The following SLC2A13 variants were observed in gnomAD, a reference collection of about 807,000 sequenced individuals.
SLC2A13 encodes solute carrier family 2 member 13.
In SLC2A13, 32 loss-of-function variants were observed where a neutral mutation model predicts 64.4. That is an observed-to-expected ratio of 0.50 (90% CI 0.37 to 0.67). The LOEUF (loss-of-function observed/expected upper bound fraction) is 0.67, where lower values mean the gene tolerates loss of function less well. Ranked by LOEUF, SLC2A13 falls within the 30% of genes least tolerant of loss-of-function variation. The probability of loss-of-function intolerance (pLI) is 0.00; values close to 1 mark genes in which losing one functional copy is unlikely to be tolerated. For synonymous variants in SLC2A13, 338 were observed against 327.1 expected, an observed-to-expected ratio of 1.03 and a Z score of -0.36; for missense variants, 743 against 829.2, an observed-to-expected ratio of 0.90 and a Z score of 1.28.
At chr12:39,963,558 T>C (rs1048867743) in intron 3 of SLC2A13, among the ~76,000 whole-genome samples, 22 of 151,952 alleles carry the variant, frequency 1.4e-4, no homozygotes, top group African/African-American at 5.1e-4. Context: ...AATCAAGATA[T>C]GTACTGCCAA....
At chr12:39,860,552 T>C (rs1026121102) in intron 6 of SLC2A13, among the ~76,000 whole-genome samples, 1 of 152,186 alleles carries the variant, frequency 6.6e-6, no homozygotes, top group Non-Finnish European at 1.5e-5. Flanking sequence ...CAGCTGATGT[T>C]GGTTCATGGA....
chr12:39,832,692 C>G (rs1319434396), intron 6 of SLC2A13, among the ~76,000 whole-genome samples: 1 of 133,742 alleles, frequency 7.5e-6, no homozygotes, highest in Non-Finnish European at 1.6e-5. Context: ...CTGATGATCA[C>G]CAGTTAACTG....
At chr12:40,031,283 C>T (rs568202339) in intron 2 of SLC2A13, among the ~76,000 whole-genome samples, 2 of 152,098 alleles carry the variant, frequency 1.3e-5, no homozygotes, top group South Asian at 2.1e-4. Context: ...AGTGTAGTGG[C>T]GCGATCTCGG....
At chr12:39,890,654 CTGTATATA>C (rs962205220) in intron 4 of SLC2A13, among the ~76,000 whole-genome samples, 2 of 152,050 alleles carry the variant, frequency 1.3e-5, no homozygotes, top group Admixed American at 1.3e-4. Flanking sequence ...TGATACATAA[CTGTATATA>C]TGTATTGAAA....
At chr12:39,762,685 T>C (rs753766940) in intron 9 of SLC2A13, among the ~76,000 whole-genome samples, 18 of 151,974 alleles carry the variant, frequency 1.2e-4, no homozygotes, top group Non-Finnish European at 2.5e-4. Context: ...ATTTATTAAA[T>C]GAGGAATATA....
chr12:39,778,696 C>T (rs1233589510), intron 7 of SLC2A13, among the ~76,000 whole-genome samples: 1 of 152,142 alleles, frequency 6.6e-6, no homozygotes, highest in Non-Finnish European at 1.5e-5. Context: ...TCATTCATTT[C>T]TTCACTCATT....
chr12:40,008,199 C>T (rs957011156), intron 3 of SLC2A13, among the ~76,000 whole-genome samples: 10 of 152,122 alleles, frequency 6.6e-5, no homozygotes, highest in African/African-American at 2.2e-4. Flanking sequence ...ATCTGAAATT[C>T]TGTTAATAAA....
chr12:40,067,149 C>T (rs575779361), intron 1 of SLC2A13, among the ~76,000 whole-genome samples: 35 of 152,226 alleles, frequency 2.3e-4, no homozygotes, highest in Non-Finnish European at 1.5e-5. Flanking sequence ...ATTCAGTTAG[C>T]TAATGTACAG....
At chr12:39,943,773 C>T (rs1306861001) in intron 4 of SLC2A13, among the ~76,000 whole-genome samples, 1 of 152,220 alleles carries the variant, frequency 6.6e-6, no homozygotes, top group Non-Finnish European at 1.5e-5. Flanking sequence ...AAGGACAGTG[C>T]ATTCTGGCCC....
intron 7 of SLC2A13, among the ~76,000 whole-genome samples, chr12:39,787,954 T>C (rs1373087897): frequency 6.6e-6 from 1 of 152,168 alleles, no homozygotes; most frequent in African/African-American, 2.4e-5. Flanking sequence ...TAATGTAATA[T>C]ATGGTACTGC....
At chr12:39,971,181 G>A (rs1027339853) in intron 3 of SLC2A13, among the ~76,000 whole-genome samples, 53 of 151,322 alleles carry the variant, frequency 3.5e-4, no homozygotes, top group African/African-American at 7.3e-5. Flanking sequence ...AAATCATTTC[G>A]GGAATAAGAC....
At chr12:39,896,423 T>C (rs1196501202) in intron 4 of SLC2A13, among the ~76,000 whole-genome samples, 2 of 144,626 alleles carry the variant, frequency 1.4e-5, no homozygotes, top group African/African-American at 2.6e-5. Context: ...TATGTATATG[T>C]GTATATATGT....
chr12:39,876,502 C>T (rs571083182), intron 4 of SLC2A13, among the ~76,000 whole-genome samples: 9 of 151,754 alleles, frequency 5.9e-5, no homozygotes, highest in Admixed American at 2.0e-4. Flanking sequence ...ATTTATCTAC[C>T]GTAAATTTTT....
At chr12:40,090,534 T>C (rs190157060) in intron 1 of SLC2A13, among the ~76,000 whole-genome samples, 24 of 152,318 alleles carry the variant, frequency 1.6e-4, no homozygotes, top group Non-Finnish European at 2.6e-4. Context: ...CAGCTATCCA[T>C]AGGCAAAGTT....
intron 4 of SLC2A13, among the ~76,000 whole-genome samples, chr12:39,904,091 C>G (rs1945206316): frequency 6.6e-6 from 1 of 152,104 alleles, no homozygotes; most frequent in Non-Finnish European, 1.5e-5. Context: ...GTCACAGGTT[C>G]AGGTGGTGAA....
intron 3 of SLC2A13, among the ~76,000 whole-genome samples, chr12:39,972,384 T>C (rs535904929): frequency 6.6e-6 from 1 of 152,136 alleles, no homozygotes; most frequent in Non-Finnish European, 1.5e-5. Flanking sequence ...TCATCCATCA[T>C]ACTGCACTTG....
At chr12:39,919,026 G>T (rs935355167) in intron 4 of SLC2A13, among the ~76,000 whole-genome samples, 4 of 151,436 alleles carry the variant, frequency 2.6e-5, no homozygotes, top group Non-Finnish European at 5.9e-5. Flanking sequence ...GTCCAGGCTG[G>T]ATGGAGTGCA....
At chr12:39,775,927 G>A (rs983255176) in intron 7 of SLC2A13, among the ~76,000 whole-genome samples, 2 of 152,270 alleles carry the variant, frequency 1.3e-5, no homozygotes, top group South Asian at 2.1e-4. Context: ...TCCAATGAGC[G>A]TTTCCTTTGA....
chr12:39,987,448 A>G (rs1947050501), intron 3 of SLC2A13, among the ~76,000 whole-genome samples: 1 of 152,182 alleles, frequency 6.6e-6, no homozygotes, highest in Non-Finnish European at 1.5e-5. Flanking sequence ...CTCAAATGAA[A>G]TGTGTCAAAA....
Sources: allele counts gnomAD v4.1 joint callset (sites outside exome capture counted in the v4.1 genomes callset), GRCh38; gene constraint gnomAD v4.1.1; transcripts MANE v1.5; gene names NCBI Gene and HGNC (gene_info 2026-07-23, HGNC 2026-07-21).